Variants in ZFAND3 observed in about 807,000 individuals in gnomAD.
The protein encoded by ZFAND3 is zinc finger AN1-type containing 3, also known as AN1-type zinc finger protein 3.
ZFAND3 carries 10 observed loss-of-function variants against 29.6 expected under a neutral mutation model. The ratio of observed to expected loss-of-function variants is 0.34; its 90% CI spans 0.21 to 0.57. ZFAND3 has a LOEUF of 0.57. Ranked by LOEUF, ZFAND3 falls within the 20% of genes least tolerant of loss-of-function variation. ZFAND3 has a pLI of 0.86. For missense variants in ZFAND3, 230 were observed against 304.5 expected (o/e 0.76, Z 1.82); for synonymous variants, 128 against 112.6 (o/e 1.14, Z -0.87).
chr6:38,078,371 A>G (rs755217950), intron 3 of ZFAND3, among the ~76,000 whole-genome samples: 5 of 152,248 alleles, frequency 3.3e-5, no homozygotes, highest in Non-Finnish European at 5.9e-5. Context: ...TTGAAACTTG[A>G]CATTTTTTAA....
chr6:37,891,610 A>C (rs1765104857), intron 1 of ZFAND3, among the ~76,000 whole-genome samples: 1 of 151,996 alleles, frequency 6.6e-6, no homozygotes, highest in African/African-American at 2.4e-5. Context: ...TAAATAAATA[A>C]ATCATAGAAC....
chr6:38,014,782 A>T (rs1206989093), intron 2 of ZFAND3, among the ~76,000 whole-genome samples: 1 of 152,162 alleles, frequency 6.6e-6, no homozygotes, highest in Non-Finnish European at 1.5e-5. Context: ...GGGAGGAGGC[A>T]TTTCCTATTT....
chr6:38,131,660 G>T (rs1049671947), intron 5 of ZFAND3, among the ~76,000 whole-genome samples: 2 of 152,078 alleles, frequency 1.3e-5, no homozygotes, highest in African/African-American at 4.8e-5. Context: ...TCCCACTGTT[G>T]TCCCCTTCCT....
intron 2 of ZFAND3, among the ~76,000 whole-genome samples, chr6:37,964,802 G>T (rs989470680): frequency 6.6e-6 from 1 of 152,208 alleles, no homozygotes; most frequent in African/African-American, 2.4e-5. Context: ...TAGTGATTAA[G>T]GGCTTAAGTT....
chr6:38,059,811 G>A (rs1410750696), intron 2 of ZFAND3, among the ~76,000 whole-genome samples: 1 of 152,124 alleles, frequency 6.6e-6, no homozygotes, highest in African/African-American at 2.4e-5. Context: ...GGGAGACGGA[G>A]GTTGCAGTGA....
intron 1 of ZFAND3, among the ~76,000 whole-genome samples, chr6:37,903,576 A>G (rs181449129): frequency 5.5e-4 from 84 of 152,364 alleles, no homozygotes; most frequent in Non-Finnish European, 9.7e-4. Flanking sequence ...TAGCAAGAGT[A>G]TGTAACATTG....
chr6:38,134,649 G>A (rs1359238466), intron 5 of ZFAND3, among the ~76,000 whole-genome samples: 1 of 152,170 alleles, frequency 6.6e-6, no homozygotes, highest in African/African-American at 2.4e-5. Flanking sequence ...TTTACTCTGA[G>A]AAGATCAGTA....
At chr6:38,047,975 T>TG (rs1554169659) in intron 2 of ZFAND3, among the ~76,000 whole-genome samples, 8 of 148,630 alleles carry the variant, frequency 5.4e-5, no homozygotes, top group Non-Finnish European at 1.2e-4. Context: ...TTTTTTTTGT[T>TG]TTTTTTTTTT....
chr6:37,927,005 G>C (rs1007016073), intron 1 of ZFAND3, among the ~76,000 whole-genome samples: 1 of 152,130 alleles, frequency 6.6e-6, no homozygotes, highest in Admixed American at 6.5e-5. Context: ...CCAAAGTCTG[G>C]TTTATTTTAG....
chr6:37,846,722 T>G lies in ZFAND3; in HGVS notation c.71+26706T>G, dbSNP rs571941796. The stretch of plus-strand genomic sequence containing the variant: ...ACTTGTGATTTTTTTTTTTTTGTTT[T>G]TTTTTTTGGAATGGAGTCTCGCTCT... On this transcript the variant is annotated intron_variant, in intron 1 of 5. Transcript: ENST00000287218. Among the ~76,000 whole-genome samples the G allele has an allele frequency of 6.4e-4, 97 of 151,920 alleles. 1 individual carries two copies. In the South Asian group the frequency reaches 0.012, roughly 18 times the overall value.
intron 1 of ZFAND3, among the ~76,000 whole-genome samples, chr6:37,856,367 G>A (rs1372987250): frequency 6.6e-6 from 1 of 152,132 alleles, no homozygotes; most frequent in African/African-American, 2.4e-5. Context: ...ATTCTTCCTG[G>A]ATCCATGTTA....
Position 37,819,872 on chromosome 6 carries a change from G to A in ZFAND3, c.-74G>A. 3 of 780,390 alleles carry A rather than the reference G, an allele frequency of 3.8e-6. No homozygotes were observed. Among genetic ancestry groups the A allele is most frequent in the Non-Finnish European group, 5.0e-6 (3 of 601,424 alleles). The allele number at this position is 780,390 out of a possible 1,614,324, so 48.3% of individuals were successfully genotyped here. On this transcript the variant is annotated 5_prime_UTR_variant, in exon 1 of 6. Coordinates refer to ENST00000287218, the MANE Select transcript of ZFAND3 (RefSeq NM_021943.3). ...CGAGCCCCCCGACGCCGCCGCCACC[G>A]CCTCCTCAGAGCGGGGCCCGGGCCC...
chr6:37,942,834 C>G (rs186356215), intron 2 of ZFAND3, among the ~76,000 whole-genome samples: 1 of 152,144 alleles, frequency 6.6e-6, no homozygotes, highest in East Asian at 1.9e-4. Context: ...AAATAGAGTT[C>G]TCTTTTTAGC....
chr6:38,142,385 CAG>C (rs1352046453), intron 5 of ZFAND3: 2 of 470,572 alleles, frequency 4.3e-6, no homozygotes, highest in Non-Finnish European at 8.8e-6. Flanking sequence ...GGAGGCTAAA[CAG>C]GCCACAGCTC....
At chr6:37,947,805 A>G (rs1055379070) in intron 2 of ZFAND3, among the ~76,000 whole-genome samples, 3 of 151,942 alleles carry the variant, frequency 2.0e-5, no homozygotes, top group Non-Finnish European at 2.9e-5. Context: ...TCCCCCCAAC[A>G]TATTTGTAGT....
intron 2 of ZFAND3, among the ~76,000 whole-genome samples, chr6:37,963,578 T>TAGAC (rs1361276997): frequency 6.6e-6 from 1 of 152,092 alleles, no homozygotes; most frequent in Non-Finnish European, 1.5e-5. Context: ...GAGACAAACC[T>TAGAC]TTAGCCAGAC....
At chr6:37,985,521 ACACACACC>A (rs1762654034) in intron 2 of ZFAND3, among the ~76,000 whole-genome samples, 1 of 148,654 alleles carries the variant, frequency 6.7e-6, no homozygotes, top group Admixed American at 6.7e-5. Context: ...ACACACACAC[ACACACACC>A]CCCACACACG....
In ZFAND3 at chr6:37,819,815, C is replaced by G; in HGVS notation, c.-131C>G. On this transcript the variant is annotated 5_prime_UTR_variant, in exon 1 of 6. Transcript: ENST00000287218. ...TCCGAGCCCCGGACTCGCGCCCGCCCGCGCGCCCGCTCCTTCCCCCTCCCC... is the reference window on the plus strand; with the variant it reads ...TCCGAGCCCCGGACTCGCGCCCGCCGGCGCGCCCGCTCCTTCCCCCTCCCC... 1 of 569,984 alleles carries G rather than the reference C, an allele frequency of 1.8e-6. No individual in the cohort carries two copies. Among genetic ancestry groups the G allele is most frequent in the Non-Finnish European group, 2.3e-6 (1 of 431,458 alleles). 35.3% of individuals were successfully genotyped at this position (569,984 alleles called of 1,614,324 possible). A position where few individuals can be genotyped will look rare whatever the true frequency, so the allele number is the denominator to read the frequency against.
chr6:37,906,185 T>C (rs1561929153), intron 1 of ZFAND3, among the ~76,000 whole-genome samples: 1 of 152,158 alleles, frequency 6.6e-6, no homozygotes, highest in Non-Finnish European at 1.5e-5. Context: ...CCTGTACCCA[T>C]TGAGGAGCCA....
Sources: gnomAD v4.1 joint callset for allele counts (sites outside exome capture counted in the v4.1 genomes callset) on GRCh38, gnomAD v4.1.1 for gene constraint, MANE v1.5 for transcripts, NCBI Gene and HGNC (gene_info 2026-07-23, HGNC 2026-07-21) for gene names.